The following SELP variants were observed in gnomAD, a reference collection of about 807,000 sequenced individuals.
SELP encodes the protein P-selectin.
A neutral mutation model predicts 104.1 loss-of-function variants in SELP; 92 were observed. The ratio of observed to expected loss-of-function variants is 0.88; its 90% CI spans 0.75 to 1.05. The LOEUF is 1.05. Among genes scored for constraint, SELP ranks in the 50% least tolerant of loss-of-function variants. The pLI, the probability that SELP is intolerant of heterozygous loss-of-function variation, is 0.00. For missense variants in SELP, 1,022 were observed against 1,017.3 expected, an observed-to-expected ratio of 1.00 and a Z score of -0.06; for synonymous variants, 397 against 364.5, an observed-to-expected ratio of 1.09 and a Z score of -1.01.
chr1:169,620,059 T>A (rs1423697379), intron 1 of SELP, among the ~76,000 whole-genome samples: 1 of 151,646 alleles, frequency 6.6e-6, no homozygotes, highest in Non-Finnish European at 1.5e-5. Flanking sequence ...TAAAAAAAAA[T>A]TAGACAGGTG....
Position 169,619,200 on chromosome 1 carries a change from A to G in SELP, c.23T>C (p.Ile8Thr). The change falls in exon 2 of 17, where the codon ATC becomes ACC. Residue 8 changes from isoleucine to threonine, a missense_variant. Ile to Thr is a moderately conservative substitution (Grantham distance 89). Transcript: ENST00000263686. MANCQIA[I>T]LYQRFQRVVF... ...CACTCTCTGGAATCTCTGGTACAAGATGGCTATTTGGCAGTTGGCCTGAAA... is the reference window on the plus strand; with the variant it reads ...CACTCTCTGGAATCTCTGGTACAAGGTGGCTATTTGGCAGTTGGCCTGAAA... 2 of 1,614,032 alleles carry G rather than the reference A, an allele frequency of 1.2e-6. No homozygotes were observed. The highest frequency in any genetic ancestry group is 4.5e-5 in the East Asian group (2 of 44,870).
Position 169,612,216 on chromosome 1 carries a change from C to T in SELP, c.961+1G>A, listed in dbSNP as rs769251189. The T allele has an allele frequency of 1.9e-6, 3 of 1,613,646 alleles. No individual in the cohort carries two copies. Among genetic ancestry groups the T allele is most frequent in the South Asian group, 1.1e-5 (1 of 91,044 alleles). ...ATACATCCCAACTACCTGAAACTCA[C>T]CTTTACACACTGGGGCTGGGGCTGT... is the stretch of plus-strand genomic sequence containing the variant. On this transcript the variant is annotated splice_donor_variant, in intron 6 of 16. Coordinates refer to ENST00000263686, the MANE Select transcript of SELP (RefSeq NM_003005.4). LOFTEE classifies it high-confidence loss of function.
At chr1:169,612,102 G>T (rs2101903868) in intron 6 of SELP, 115 bp downstream of exon 6, 1 of 1,007,618 alleles carries the variant, frequency 9.9e-7, no homozygotes, top group Non-Finnish European at 1.5e-6. Flanking sequence ...GGTAGGAAGA[G>T]AATTAAATTT....
At position 169,611,721 on chromosome 1, in the gene SELP, G is replaced by A. The variant is rs569772826; in HGVS notation, c.962-44C>T. On this transcript the variant is annotated intron_variant, in intron 6 of 16. Coordinates refer to ENST00000263686, the MANE Select transcript of SELP (RefSeq NM_003005.4). The stretch of plus-strand genomic sequence containing the variant: ...GATAAAGAGAAAGATACTGAGAAAG[G>A]AGAAAAGCCACACAGAGAGCAATGG... 177 of 1,560,060 alleles carry A rather than the reference G, an allele frequency of 1.1e-4. No individual in the cohort carries two copies. In the South Asian group the frequency reaches 1.9e-3, roughly 16 times the overall value.
In SELP at chr1:169,594,748, G is replaced by A. The variant is rs1166872847; in HGVS notation, c.2231C>T (p.Ala744Val). The change falls in exon 13 of 17, where the codon GCA becomes GTA. Residue 744 changes from alanine to valine, a missense_variant. Transcript: ENST00000263686. ...GCCATTCTCTTGGCATGCTGTTTGT[G>A]CAGAGCCATTAAGTAACTGGCCCTC... ...CLEGQLLNGS[A>V]QTACQENGHW... 5 of 1,613,726 alleles carry A rather than the reference G, an allele frequency of 3.1e-6. No individual in the cohort carries two copies. In the African/African-American group the frequency reaches 6.7e-5, roughly 22 times the overall value.
chr1:169,592,113 A>T (rs1661381486), intron 14 of SELP, among the ~76,000 whole-genome samples: 1 of 152,162 alleles, frequency 6.6e-6, no homozygotes, highest in Non-Finnish European at 1.5e-5. Flanking sequence ...GATCATAGAG[A>T]TTAAGGTCTA....
intron 9 of SELP, among the ~76,000 whole-genome samples, chr1:169,603,969 C>A (rs1007527652): frequency 6.6e-6 from 1 of 152,190 alleles, no homozygotes; most frequent in African/African-American, 2.4e-5. Context: ...TATACCCAGT[C>A]ATGGGATGGC....
At position 169,593,605 on chromosome 1, in the gene SELP, C is replaced by G; in HGVS notation, c.2407G>C (p.Asp803His). ...ALLRKRFRQK[D>H]DGKCPLNPHS... Reference sequence around the variant, plus strand: ...AAAGAGAAGACTCTTTCCTATTTACCTTTTTGTCTGAAACGCTTTCTTAGC... The same window carrying G: ...AAAGAGAAGACTCTTTCCTATTTACGTTTTTGTCTGAAACGCTTTCTTAGC... Residue 803 changes from aspartate (D) to histidine (H), a missense_variant and splice_region_variant, in exon 14 of 17, where the codon GAT (aspartate) becomes CAT (histidine). Coordinates refer to ENST00000263686, the MANE Select transcript of SELP (RefSeq NM_003005.4). 1 of 1,612,188 alleles carries G rather than the reference C, an allele frequency of 6.2e-7. No homozygotes were observed. The highest frequency in any genetic ancestry group is 8.5e-7 in the Non-Finnish European group (1 of 1,178,846).
At chr1:169,629,649 A>G (rs969969363) in intron 1 of SELP, among the ~76,000 whole-genome samples, 1 of 152,212 alleles carries the variant, frequency 6.6e-6, no homozygotes, top group Admixed American at 6.5e-5. Flanking sequence ...TCTTCCATTT[A>G]TTCCATCATT....
In SELP at chr1:169,617,296, C is replaced by T. The variant is rs773336477; in HGVS notation, c.213G>A (p.Gln71=). 2 of 1,614,056 alleles carry T rather than the reference C, an allele frequency of 1.2e-6. No homozygotes were observed. Among genetic ancestry groups the T allele is most frequent in the East Asian group, 2.2e-5 (1 of 44,880 alleles). ...TGAGGTAATCAATTTCATTTTTATT[C>T]TGGATGGCCACTAAGTCTGTGTAGC... ...QNRYTDLVAI[Q]NKNEIDYLNK... is the part of the protein sequence containing the mutation. The change falls in exon 3 of 17, where the codon CAG becomes CAA. Residue 71 remains glutamine, a synonymous_variant. Transcript: ENST00000263686.
chr1:169,614,411 C>A (rs2101908957), intron 3 of SELP, among the ~76,000 whole-genome samples: 1 of 152,282 alleles, frequency 6.6e-6, no homozygotes, highest in Middle Eastern at 3.4e-3. Context: ...TAGTGCCACT[C>A]AGGTGACAGA....
intron 1 of SELP, among the ~76,000 whole-genome samples, chr1:169,622,164 G>A (rs1247231341): frequency 6.6e-6 from 1 of 152,180 alleles, no homozygotes; most frequent in Non-Finnish European, 1.5e-5. Context: ...GTATGCCAGA[G>A]ATGATTCGAA....
chr1:169,629,969 G>A, intron 1 of SELP, 103 bp downstream of exon 1: 1 of 1,434,744 alleles, frequency 7.0e-7, no homozygotes, highest in Non-Finnish European at 9.8e-7. Context: ...AAACTCCATG[G>A]CTATCGCTGT....
chr1:169,622,070 T>C (rs561775290), intron 1 of SELP, among the ~76,000 whole-genome samples: 1 of 152,350 alleles, frequency 6.6e-6, no homozygotes, highest in South Asian at 2.1e-4. Context: ...AATACACCTT[T>C]CTCCCACTTT....
chr1:169,589,733 C>G (rs1358509556), intron 16 of SELP: 1 of 156,406 alleles, frequency 6.4e-6, no homozygotes, highest in African/African-American at 2.4e-5. Flanking sequence ...CAACTACCCA[C>G]TTTTTGGGAG....
At chr1:169,609,882 G>A (rs1662418936) in intron 7 of SELP, among the ~76,000 whole-genome samples, 193 bp from the exon 8 acceptor site, 1 of 152,080 alleles carries the variant, frequency 6.6e-6, no homozygotes, top group Non-Finnish European at 1.5e-5. Context: ...ACTCTCACCT[G>A]CCCTTCAGGT....
intron 1 of SELP, 106 bp downstream of exon 1, chr1:169,629,966 A>T: frequency 7.0e-7 from 1 of 1,432,256 alleles, no homozygotes; most frequent in Non-Finnish European, 9.9e-7. Flanking sequence ...ATAAAACTCC[A>T]TGGCTATCGC....
Position 169,595,882 on chromosome 1 carries a change from G to T in SELP, c.2101+43C>A, listed in dbSNP as rs372239466. The T allele has an allele frequency of 1.8e-4, 286 of 1,573,810 alleles. 1 individual carries two copies. Among genetic ancestry groups the T allele is most frequent in the Non-Finnish European group, 2.4e-4 (276 of 1,145,830 alleles). On this transcript the variant is annotated intron_variant, in intron 12 of 16. Transcript: ENST00000263686. ...GGCACAATGGCTAGCTTGAGTACTT[G>T]CAGGAAGGCAGGTTCAGAACTGCCT...
At chr1:169,591,543 GA>G in intron 14 of SELP, 87 bp from the exon 15 acceptor site, 1 of 912,440 alleles carries the variant, frequency 1.1e-6, no homozygotes. Flanking sequence ...AATTACTGGG[GA>G]AAACCAGTAG....
Sources: gnomAD v4.1 joint callset for allele counts (sites outside exome capture counted in the v4.1 genomes callset) on GRCh38, gnomAD v4.1.1 for gene constraint, MANE v1.5 for transcripts, NCBI Gene and HGNC (gene_info 2026-07-23, HGNC 2026-07-21) for gene names.